FNDC3B: variants seen among roughly 807,000 people sequenced by gnomAD.
The protein encoded by FNDC3B is fibronectin type III domain-containing protein 3B.
Under a neutral mutation model 151.5 loss-of-function variants are expected in FNDC3B, and 12 were observed. The observed-to-expected ratio is 0.08, with a 90% confidence interval of 0.05 to 0.13. The LOEUF is 0.13. Among genes scored for constraint, FNDC3B ranks in the 10% least tolerant of loss-of-function variants. The probability of loss-of-function intolerance (pLI) is 1.00; values close to 1 mark genes in which losing one functional copy is unlikely to be tolerated. For synonymous variants in FNDC3B, 528 were observed against 549.0 expected (o/e 0.96, Z 0.54); for missense variants, 1,214 against 1,505.3 (o/e 0.81, Z 3.20).
intron 6 of FNDC3B, among the ~76,000 whole-genome samples, chr3:172,283,215 T>A (rs1488606064): frequency 6.6e-6 from 1 of 152,016 alleles, no homozygotes; most frequent in Non-Finnish European, 1.5e-5. Flanking sequence ...CTGAAACTCA[T>A]TTTTTTTGAC....
chr3:172,333,826 C>A (rs1732813559), intron 14 of FNDC3B, among the ~76,000 whole-genome samples: 1 of 152,184 alleles, frequency 6.6e-6, no homozygotes, highest in Admixed American at 6.5e-5. Flanking sequence ...TTGCTCTTCA[C>A]TTTCCTTTGC....
chr3:172,184,346 T>A (rs903807415), intron 3 of FNDC3B: 1 of 152,078 alleles, frequency 6.6e-6, no homozygotes, highest in Admixed American at 6.6e-5. Context: ...CAAATAAACA[T>A]ATACCAGAGG....
At chr3:172,123,726 T>C (rs1265123356) in intron 2 of FNDC3B, among the ~76,000 whole-genome samples, 2 of 152,246 alleles carry the variant, frequency 1.3e-5, no homozygotes, top group Non-Finnish European at 2.9e-5. Flanking sequence ...AAAAGTCACA[T>C]GGAAAACATC....
chr3:172,183,299 G>A lies in FNDC3B; in HGVS notation c.188-43572G>A, dbSNP rs146061239. ...TTTTGCTCCCAATTTCACTTCCAGA[G>A]GTTTATATTTACCATGTACTAAAAC... On this transcript the variant is annotated intron_variant, in intron 3 of 25. Transcript: ENST00000415807. Among the ~76,000 whole-genome samples the A allele has an allele frequency of 1.2e-3, 181 of 152,210 alleles. 1 individual carries two copies. Among genetic ancestry groups the A allele is most frequent in the African/African-American group, 4.2e-3 (174 of 41,526 alleles).
intron 3 of FNDC3B, chr3:172,148,539 A>G (rs1722040628): frequency 6.6e-6 from 1 of 152,240 alleles, no homozygotes; most frequent in South Asian, 2.1e-4. Context: ...AACATTGCCT[A>G]CAGAAGAGAG....
At chr3:172,375,655 A>G (rs1735093043) in intron 23 of FNDC3B, among the ~76,000 whole-genome samples, 1 of 152,214 alleles carries the variant, frequency 6.6e-6, no homozygotes, top group South Asian at 2.1e-4. Flanking sequence ...AGGCCAGTCA[A>G]AGCAGTGATG....
In FNDC3B at chr3:172,353,038, C is replaced by A. The variant is rs774032127; in HGVS notation, c.2750C>A (p.Thr917Asn). ...GACACTAGCATTACCGTGGGCAACA[C>A]CACCATGCATGTTATGAAAGATCTC... ...LGDTSITVGN[T>N]TMHVMKDLLP... The change falls in exon 22 of 26, where the codon ACC becomes AAC. Residue 917 changes from threonine to asparagine, a missense_variant. Physicochemically the swap from Thr to Asn is moderately conservative, Grantham distance 65 (BLOSUM62 0). Around this residue, in one of 7 missense-constraint regions of FNDC3B, gnomAD observed 284 missense variants for 392.4 expected, o/e 0.72. Coordinates refer to ENST00000415807, the MANE Select transcript of FNDC3B (RefSeq NM_022763.4). 6.2e-7 allele frequency: 1 copy of A among 1,614,004 alleles called. No individual in the cohort carries two copies. Among genetic ancestry groups the A allele is most frequent in the Non-Finnish European group, 8.5e-7 (1 of 1,180,020 alleles).
chr3:172,284,206 A>G (rs949442087), intron 6 of FNDC3B, among the ~76,000 whole-genome samples: 5 of 152,308 alleles, frequency 3.3e-5, no homozygotes, highest in East Asian at 1.9e-4. Context: ...TCATTGAACT[A>G]TATAGCCTCC....
intron 3 of FNDC3B, among the ~76,000 whole-genome samples, chr3:172,206,802 T>A (rs1321796394): frequency 6.6e-6 from 1 of 152,140 alleles, no homozygotes; most frequent in Non-Finnish European, 1.5e-5. Context: ...GAACTTAAAA[T>A]TTTTGCACAT....
intron 24 of FNDC3B, among the ~76,000 whole-genome samples, chr3:172,379,425 AC>A (rs1210903634): frequency 2.6e-5 from 4 of 152,264 alleles, no homozygotes. Context: ...CAACCAGGGC[AC>A]AAAGTCAATT....
intron 9 of FNDC3B, among the ~76,000 whole-genome samples, chr3:172,299,281 G>T (rs1242935401): frequency 6.6e-6 from 1 of 152,122 alleles, no homozygotes; most frequent in East Asian, 1.9e-4. Flanking sequence ...AACTCAATTT[G>T]GCTAAACAGT....
chr3:172,192,028 G>A lies in FNDC3B; in HGVS notation c.188-34843G>A, dbSNP rs918094441. On this transcript the variant is annotated intron_variant, in intron 3 of 25. Transcript: ENST00000415807. ...CAGACCTATAATTTCTCTTAACATA[G>A]CAATCTGATTCTTAGTTTCAGAGGA... 3.9e-5 allele frequency among the ~76,000 whole-genome samples: 6 copies of A among 152,136 alleles called. No individual in the cohort carries two copies. The East Asian group carries it at 1.2e-3, about 29-fold the overall frequency.
At chr3:172,130,360 C>T (rs1056894502) in intron 2 of FNDC3B, among the ~76,000 whole-genome samples, 3 of 152,134 alleles carry the variant, frequency 2.0e-5, no homozygotes, top group Non-Finnish European at 2.9e-5. Flanking sequence ...TCTGAGGTAA[C>T]TTGGTAGATT....
intron 23 of FNDC3B, among the ~76,000 whole-genome samples, chr3:172,378,018 A>G (rs1462384653): frequency 2.0e-5 from 3 of 152,230 alleles, no homozygotes; most frequent in Non-Finnish European, 4.4e-5. Flanking sequence ...TGATGTTTCT[A>G]GAATCTAGAT....
chr3:172,261,577 C>T (rs185183202), intron 6 of FNDC3B, among the ~76,000 whole-genome samples: 149 of 152,212 alleles, frequency 9.8e-4, no homozygotes, highest in Non-Finnish European at 1.7e-3. Flanking sequence ...ACGCTATTAC[C>T]GTATTTCAGT....
At chr3:172,274,346 T>C (rs1729341447) in intron 6 of FNDC3B, among the ~76,000 whole-genome samples, 1 of 152,122 alleles carries the variant, frequency 6.6e-6, no homozygotes, top group Non-Finnish European at 1.5e-5. Context: ...TAAGTAGAGT[T>C]GATCTCCCCG....
chr3:172,333,202 C>A, intron 14 of FNDC3B, 27 bp downstream of exon 14: 1 of 1,370,298 alleles, frequency 7.3e-7, no homozygotes, highest in Non-Finnish European at 1.0e-6. Flanking sequence ...GCTACCTGAA[C>A]TGCTTAAAAA....
chr3:172,234,551 C>T (rs761863767), intron 4 of FNDC3B, among the ~76,000 whole-genome samples: 20 of 152,148 alleles, frequency 1.3e-4, no homozygotes, highest in Non-Finnish European at 2.8e-4. Context: ...TGAGACTATA[C>T]GTAAGTTTCC....
intron 10 of FNDC3B, among the ~76,000 whole-genome samples, chr3:172,309,348 CA>C (rs1179403210): frequency 6.6e-6 from 1 of 152,020 alleles, no homozygotes; most frequent in African/African-American, 2.4e-5. Flanking sequence ...GGAGATAAGG[CA>C]AAACAAAAAC....
Sources: gnomAD v4.1 joint callset for allele counts (sites outside exome capture counted in the v4.1 genomes callset) on GRCh38, gnomAD v4.1.1 for gene constraint, gnomAD v4.1.1 regional missense constraint, MANE v1.5 for transcripts, NCBI Gene and HGNC (gene_info 2026-07-23, HGNC 2026-07-21) for gene names.